Variants in CD5 observed in about 807,000 individuals in gnomAD.
CD5 encodes the protein CD5 molecule, also known as T-cell surface glycoprotein CD5.
Under a neutral mutation model 60.3 loss-of-function variants are expected in CD5, and 36 were observed. That is an observed-to-expected ratio of 0.60 (90% CI 0.46 to 0.79). The LOEUF (loss-of-function observed/expected upper bound fraction) is 0.79. Among genes scored for constraint, CD5 ranks in the 30% least tolerant of loss-of-function variants. The pLI, the probability that CD5 is intolerant of heterozygous loss-of-function variation, is 0.00. For synonymous variants in CD5, 230 were observed against 257.6 expected (o/e 0.89, Z 1.03); for missense variants, 540 against 630.6 (o/e 0.86, Z 1.54).
the CD5 span, among the ~76,000 whole-genome samples, chr11:61,094,295 G>C: frequency 1.3e-5 from 2 of 152,100 alleles, no homozygotes; most frequent in South Asian, 4.2e-4. Flanking sequence ...CTGGCACTTG[G>C]AGTCCGGACA....
chr11:61,112,511 G>C (rs1191740971), intron 1 of CD5, among the ~76,000 whole-genome samples: 1 of 152,140 alleles, frequency 6.6e-6, no homozygotes, highest in Non-Finnish European at 1.5e-5. Context: ...GGGCGTGGTG[G>C]TGCATGTCTG....
intron 7 of CD5, 79 bp from the exon 8 acceptor site, chr11:61,123,805 A>AG: frequency 6.6e-5 from 30 of 454,728 alleles, no homozygotes; most frequent in East Asian, 9.6e-5. Flanking sequence ...TCCCAGGCCC[A>AG]GCCCCATCCC....
intron 1 of CD5, among the ~76,000 whole-genome samples, chr11:61,108,333 G>A (rs1860804373): frequency 6.6e-6 from 1 of 152,188 alleles, no homozygotes; most frequent in South Asian, 2.1e-4. Context: ...CCGCTCACTG[G>A]GACAGGCCCT....
chr11:61,123,602 T>A (rs2134611864), intron 7 of CD5, among the ~76,000 whole-genome samples: 1 of 152,194 alleles, frequency 6.6e-6, no homozygotes, highest in Middle Eastern at 3.4e-3. Context: ...CCTGCCCAGG[T>A]CTAGTTCTAA....
At chr11:61,112,257 T>G (rs926934599) in intron 1 of CD5, among the ~76,000 whole-genome samples, 2 of 151,866 alleles carry the variant, frequency 1.3e-5, no homozygotes, top group Non-Finnish European at 2.9e-5. Context: ...GAGTGAGAGG[T>G]GAGGGCAGGA....
At chr11:61,101,802 C>G (rs1219604378), upstream of CD5, among the ~76,000 whole-genome samples, 2 of 151,774 alleles carry the variant, frequency 1.3e-5, no homozygotes, top group Non-Finnish European at 2.9e-5. Flanking sequence ...AGATCACACA[C>G]ACTCAACATG....
chr11:61,101,532 AAC>A (rs1465183384), upstream of CD5, among the ~76,000 whole-genome samples: 1 of 151,092 alleles, frequency 6.6e-6, no homozygotes, highest in African/African-American at 2.4e-5. Flanking sequence ...TCACACACAC[AAC>A]ACAGAGATCA....
At position 61,126,405 on chromosome 11, in the gene CD5, C is replaced by CA. The variant is rs1861149338; in HGVS notation, c.*121dup. 6.6e-6 allele frequency: 1 copy of CA among 152,310 alleles called. No individual in the cohort carries two copies. Among genetic ancestry groups the CA allele is most frequent in the Admixed American group, 6.5e-5 (1 of 15,294 alleles). 9.4% of individuals were successfully genotyped at this position (152,310 alleles called of 1,614,324 possible). ...CCCCGGCCAGAACATGGACAGAGGCCAGAAGCCTTCCGGACAGGCGCTGCT... is the reference window on the plus strand; with the variant it reads ...CCCCGGCCAGAACATGGACAGAGGCCAAGAAGCCTTCCGGACAGGCGCTGCT... On this transcript the variant is annotated 3_prime_UTR_variant, in exon 11 of 11. Transcript: ENST00000347785.
At position 61,127,414 on chromosome 11, in the gene CD5, T is replaced by G. The variant is rs1488378589; in HGVS notation, c.*1129T>G. The G allele has an allele frequency of 6.6e-6, 1 of 152,194 alleles. No homozygotes were observed. 9.4% of individuals were successfully genotyped at this position (152,194 alleles called of 1,614,324 possible). A position where few individuals can be genotyped will look rare whatever the true frequency, so the allele number is the denominator to read the frequency against. On this transcript the variant is annotated 3_prime_UTR_variant, in exon 11 of 11. Coordinates refer to ENST00000347785, the MANE Select transcript of CD5 (RefSeq NM_014207.4). ...CCACGCCATTTGATGCTGTATCTCCTGGGAGCACAGGCATCAATGGTCCAA... is the reference window on the plus strand; with the variant it reads ...CCACGCCATTTGATGCTGTATCTCCGGGGAGCACAGGCATCAATGGTCCAA...
chr11:61,115,531 G>A (rs752702575), intron 2 of CD5, among the ~76,000 whole-genome samples: 4 of 152,318 alleles, frequency 2.6e-5, no homozygotes, highest in Non-Finnish European at 5.9e-5. Flanking sequence ...GAGTTTAGTC[G>A]TAGAGGCTGT....
rs757492515 is a variant in CD5 at position 61,125,786 on chromosome 11, C to T, written c.1435C>T (p.Pro479Ser). The T allele has an allele frequency of 9.3e-6, 15 of 1,612,644 alleles. No homozygotes were observed. The highest frequency in any genetic ancestry group is 1.3e-5 in the Non-Finnish European group (15 of 1,179,222). The change falls in exon 10 of 11, where the codon CCT (proline) becomes TCT (serine). Residue 479 changes from proline to serine, a missense_variant. Physicochemically the swap from Pro to Ser is moderately conservative, Grantham distance 74. Coordinates refer to ENST00000347785, the MANE Select transcript of CD5 (RefSeq NM_014207.4). ...GGCTCTGCATCGCTCCTCCATGCAG[C>T]CTGACAACTCCTCCGACAGTGACTA... is the stretch of plus-strand genomic sequence containing the variant. The part of the protein sequence containing the change: ...EGALHRSSMQ[P>S]DNSSDSDYDL...
chr11:61,107,474 AC>A (rs1860792648), intron 1 of CD5, among the ~76,000 whole-genome samples: 1 of 152,210 alleles, frequency 6.6e-6, no homozygotes, highest in African/African-American at 2.4e-5. Context: ...AGAAGGAAAT[AC>A]TGTGTACATA....
intron 1 of CD5, 134 bp from the exon 2 acceptor site, chr11:61,114,922 C>A: frequency 1.5e-6 from 1 of 668,684 alleles, no homozygotes; most frequent in Non-Finnish European, 2.4e-6. Flanking sequence ...TATGAAAATT[C>A]CTGTCCCTAA....
At chr11:61,119,687 A>G (rs1861026864) in intron 5 of CD5, 112 bp downstream of exon 5, 2 of 765,494 alleles carry the variant, frequency 2.6e-6, no homozygotes. Context: ...TATGGAGAAT[A>G]CAAGGGAAGT....
intron 2 of CD5, among the ~76,000 whole-genome samples, chr11:61,116,772 GCAC>G (rs370599224): frequency 0.15 from 10,088 of 69,014 alleles, 1,044 homozygotes; most frequent in African/African-American, 0.36. Context: ...CACACACCAC[GCAC>G]CACCACACAC....
chr11:61,110,898 T>C (rs116818600), intron 1 of CD5, among the ~76,000 whole-genome samples: 1 of 152,100 alleles, frequency 6.6e-6, no homozygotes, highest in East Asian at 1.9e-4. Context: ...ACGGTGATGG[T>C]GATGATGATG....
chr11:61,096,385 C>A, the CD5 span, among the ~76,000 whole-genome samples: 76 of 152,234 alleles, frequency 5.0e-4, no homozygotes, highest in Non-Finnish European at 1.0e-3. Flanking sequence ...AGGATTACAA[C>A]TGGGGGCAAG....
chr11:61,115,176 GA>G, intron 2 of CD5, 82 bp downstream of exon 2: 1 of 1,310,820 alleles, frequency 7.6e-7, no homozygotes, highest in Admixed American at 2.0e-5. Context: ...GGGACCTCTC[GA>G]TGAAGCCATC....
chr11:61,116,533 CCCA>C (rs763700633), intron 2 of CD5, among the ~76,000 whole-genome samples: 11 of 85,430 alleles, frequency 1.3e-4, no homozygotes, highest in Non-Finnish European at 2.0e-4. Flanking sequence ...ACACACACAC[CCCA>C]CACCACACAC....
Sources: allele counts gnomAD v4.1 joint callset (sites outside exome capture counted in the v4.1 genomes callset), GRCh38; gene constraint gnomAD v4.1.1; transcripts MANE v1.5; gene names NCBI Gene and HGNC (gene_info 2026-07-23, HGNC 2026-07-21).